CNTLN: variants seen among roughly 807,000 people sequenced by gnomAD.
The protein encoded by CNTLN is centlein, centrosomal protein.
CNTLN carries 212 observed loss-of-function variants against 180.0 expected under a neutral mutation model. The ratio of observed to expected loss-of-function variants is 1.18; its 90% CI spans 1.05 to 1.32. The LOEUF (loss-of-function observed/expected upper bound fraction) is 1.32, where lower values mean the gene tolerates loss of function less well. CNTLN is among the 40% of genes most tolerant of loss of function. The pLI is 0.00. For synonymous variants in CNTLN, 722 were observed against 563.1 expected (o/e 1.28, Z -3.99); for missense variants, 2,095 against 1,610.9 (o/e 1.30, Z -5.14).
intron 1 of CNTLN, among the ~76,000 whole-genome samples, chr9:17,141,414 CTA>C (rs1345584721): frequency 6.6e-6 from 1 of 152,022 alleles, no homozygotes; most frequent in Non-Finnish European, 1.5e-5. Context: ...AGGGAATACT[CTA>C]TGTGAAAGTG....
At chr9:17,136,437 C>G (rs1172433394) in intron 1 of CNTLN, among the ~76,000 whole-genome samples, 2 of 152,228 alleles carry the variant, frequency 1.3e-5, no homozygotes, top group Non-Finnish European at 2.9e-5. Context: ...TCACGCCATT[C>G]TCCAGCCTCA....
At chr9:17,506,736 C>A (rs5896746), downstream of CNTLN, among the ~76,000 whole-genome samples, 6 of 151,976 alleles carry the variant, frequency 3.9e-5, no homozygotes, top group African/African-American at 1.5e-4. Context: ...ACTGTAAAAA[C>A]AACAAAATGT....
chr9:17,488,669 T>G (rs1033737877), intron 25 of CNTLN, among the ~76,000 whole-genome samples: 3 of 152,126 alleles, frequency 2.0e-5, no homozygotes, highest in African/African-American at 7.2e-5. Context: ...GAATGTATGC[T>G]TATTCTGTCC....
intron 18 of CNTLN, among the ~76,000 whole-genome samples, chr9:17,432,657 C>CAGAT (rs1479642079): frequency 2.0e-5 from 3 of 152,016 alleles, no homozygotes; most frequent in African/African-American, 7.2e-5. Flanking sequence ...GACAGTAGAA[C>CAGAT]AGATCTTCAG....
At chr9:17,454,822 G>A (rs1372703) in intron 18 of CNTLN, among the ~76,000 whole-genome samples, 113,233 of 152,094 alleles carry the variant, frequency 0.74, 42,303 homozygotes, top group East Asian at 0.91. Flanking sequence ...ATTCGAATCC[G>A]GAAATTATGA....
chr9:17,484,972 A>G (rs551668550), intron 24 of CNTLN, among the ~76,000 whole-genome samples: 1 of 152,258 alleles, frequency 6.6e-6, no homozygotes, highest in South Asian at 2.1e-4. Flanking sequence ...TTTATTGCTT[A>G]AAATTGGTTA....
chr9:17,308,915 C>G (rs2132908027), intron 7 of CNTLN, 143 bp from the exon 8 acceptor site: 4 of 385,190 alleles, frequency 1.0e-5, no homozygotes, highest in Middle Eastern at 7.2e-4. Context: ...TATCTTCTTT[C>G]TCTCTGAGAC....
chr9:17,359,462 T>C (rs76515750), intron 12 of CNTLN, among the ~76,000 whole-genome samples: 1,924 of 151,964 alleles, frequency 0.013, 19 homozygotes, highest in South Asian at 0.043. Context: ...AAAAGATATT[T>C]TCAGTATATA....
At position 17,409,383 on chromosome 9, in the gene CNTLN, C is replaced by G; in HGVS notation, c.2706C>G (p.Asp902Glu). The stretch of plus-strand genomic sequence containing the variant: ...TAAGTCCTACGGAAGATGGAAAAGA[C>G]CAGAAAGAAAGTGATCCAACAGAAG... ...QKISPTEDGK[D>E]QKESDPTEDS... Residue 902 changes from aspartate (D) to glutamate (E), a missense_variant, in exon 16 of 26, where the codon GAC becomes GAG. Coordinates refer to ENST00000380647, the MANE Select transcript of CNTLN (RefSeq NM_017738.4). 6.2e-7 allele frequency: 1 copy of G among 1,612,928 alleles called. No individual in the cohort carries two copies. Among genetic ancestry groups the G allele is most frequent in the Non-Finnish European group, 8.5e-7 (1 of 1,179,326 alleles).
At chr9:17,509,599 A>C in the CNTLN span, among the ~76,000 whole-genome samples, 119,267 of 151,988 alleles carry the variant, frequency 0.78, 47,003 homozygotes, top group East Asian at 0.97. Flanking sequence ...ACAGTGCCAG[A>C]TAGGAAGTAA....
At chr9:17,349,178 T>C (rs549016804) in intron 12 of CNTLN, among the ~76,000 whole-genome samples, 51 of 152,262 alleles carry the variant, frequency 3.3e-4, no homozygotes, top group African/African-American at 1.1e-3. Flanking sequence ...CAAAGTCTCA[T>C]GTTTGTTTTA....
intron 5 of CNTLN, among the ~76,000 whole-genome samples, chr9:17,237,570 G>A (rs1825235598): frequency 6.6e-6 from 1 of 152,008 alleles, no homozygotes; most frequent in African/African-American, 2.4e-5. Context: ...ATTGTATTCA[G>A]TATTTTAAGT....
intron 2 of CNTLN, among the ~76,000 whole-genome samples, chr9:17,162,528 A>G (rs1158344528): frequency 6.6e-6 from 1 of 152,236 alleles, no homozygotes; most frequent in Non-Finnish European, 1.5e-5. Flanking sequence ...CTAGAGATAC[A>G]CTAAGCTTTG....
At chr9:17,328,118 A>G (rs1423413889) in intron 8 of CNTLN, among the ~76,000 whole-genome samples, 1 of 152,120 alleles carries the variant, frequency 6.6e-6, no homozygotes, top group African/African-American at 2.4e-5. Flanking sequence ...GGTGAAATCT[A>G]TTTCTACATA....
chr9:17,311,442 G>T (rs1187577112), intron 8 of CNTLN, among the ~76,000 whole-genome samples: 1 of 143,892 alleles, frequency 6.9e-6, no homozygotes, highest in Non-Finnish European at 1.5e-5. Context: ...ATCCCAGGAG[G>T]GTTTTTCTGT....
chr9:17,523,833 G>T, the CNTLN span, among the ~76,000 whole-genome samples: 1 of 152,104 alleles, frequency 6.6e-6, no homozygotes, highest in South Asian at 2.1e-4. Context: ...TATAACAGAG[G>T]AATCAATTAA....
intron 12 of CNTLN, among the ~76,000 whole-genome samples, chr9:17,364,436 T>A (rs1823641644): frequency 6.6e-6 from 1 of 152,152 alleles, no homozygotes; most frequent in Non-Finnish European, 1.5e-5. Flanking sequence ...TTTCATTGCT[T>A]TATTTCATAT....
intron 10 of CNTLN, 25 bp downstream of exon 10, chr9:17,332,755 T>C (rs762747098): frequency 1.3e-6 from 2 of 1,550,000 alleles, no homozygotes; most frequent in South Asian, 1.2e-5. Context: ...ATTTCTTTAG[T>C]AGTAACCTTG....
At chr9:17,521,274 A>AG in the CNTLN span, among the ~76,000 whole-genome samples, 1,765 of 150,066 alleles carry the variant, frequency 0.012, 26 homozygotes, top group Non-Finnish European at 0.016. Context: ...AAAGAGAGAG[A>AG]GAGAGAGAGA....
Sources: allele counts gnomAD v4.1 joint callset (sites outside exome capture counted in the v4.1 genomes callset), GRCh38; gene constraint gnomAD v4.1.1; transcripts MANE v1.5; gene names NCBI Gene and HGNC (gene_info 2026-07-23, HGNC 2026-07-21).